FAM171A1: variants seen among roughly 807,000 people sequenced by gnomAD.
FAM171A1 encodes the protein protein FAM171A1.
FAM171A1 carries 23 observed loss-of-function variants against 74.9 expected under a neutral mutation model. The ratio of observed to expected loss-of-function variants is 0.31; its 90% CI spans 0.22 to 0.44. FAM171A1 has a LOEUF of 0.44. Ranked by LOEUF, FAM171A1 falls within the 20% of genes least tolerant of loss-of-function variation. The probability of loss-of-function intolerance (pLI) is 1.00; values close to 1 mark genes in which losing one functional copy is unlikely to be tolerated. For synonymous variants in FAM171A1, 527 were observed against 505.7 expected (o/e 1.04, Z -0.57); for missense variants, 1,162 against 1,159.2 (o/e 1.00, Z -0.03).
intron 5 of FAM171A1, among the ~76,000 whole-genome samples, chr10:15,243,107 G>T (rs188688783): frequency 6.6e-6 from 1 of 152,120 alleles, no homozygotes; most frequent in Non-Finnish European, 1.5e-5. Flanking sequence ...TCTCCTGGAG[G>T]CTCAGAAGGG....
At chr10:15,353,896 A>G (rs143963675) in intron 1 of FAM171A1, among the ~76,000 whole-genome samples, 59 of 152,350 alleles carry the variant, frequency 3.9e-4, no homozygotes, top group African/African-American at 1.3e-3. Context: ...TTCTGCCCTA[A>G]TCCCAAACAT....
intron 1 of FAM171A1, among the ~76,000 whole-genome samples, chr10:15,364,673 G>T (rs375158814): frequency 1.3e-4 from 20 of 152,214 alleles, no homozygotes; most frequent in African/African-American, 4.1e-4. Flanking sequence ...AGTTTCACTG[G>T]GCTAAAGCCA....
chr10:15,330,713 C>CTTCT (rs1835618655), intron 1 of FAM171A1, among the ~76,000 whole-genome samples: 1 of 76,758 alleles, frequency 1.3e-5, no homozygotes, highest in Non-Finnish European at 2.3e-5. Flanking sequence ...TCTTCTTCTT[C>CTTCT]TTTTTTTTTT....
At chr10:15,349,913 C>T in intron 1 of FAM171A1, among the ~76,000 whole-genome samples, 1 of 152,044 alleles carries the variant, frequency 6.6e-6, no homozygotes. Context: ...ATTAGCAGAA[C>T]AGGTGGGCTG....
intron 5 of FAM171A1, among the ~76,000 whole-genome samples, chr10:15,238,902 C>T (rs1295447070): frequency 6.6e-6 from 1 of 152,130 alleles, no homozygotes; most frequent in African/African-American, 2.4e-5. Flanking sequence ...TGAGAGTATC[C>T]AAATCATATA....
rs371881016 is a variant in FAM171A1, at chr10:15,341,296, T to A, written c.97+29660A>T. Among the ~76,000 whole-genome samples the A allele has an allele frequency of 7.2e-5, 11 of 152,334 alleles. No individual in the cohort carries two copies. The East Asian group carries it at 1.7e-3, about 24-fold the overall frequency. On this transcript the variant is annotated intron_variant, in intron 1 of 7. Coordinates refer to ENST00000378116, the MANE Select transcript of FAM171A1 (RefSeq NM_001010924.2). ...CTTACAAAAAGTCATATTTGAGAAC[T>A]GCTGGTTTATACTAATTTGTACAAC...
At chr10:15,347,821 C>T (rs187746996) in intron 1 of FAM171A1, among the ~76,000 whole-genome samples, 447 of 115,722 alleles carry the variant, frequency 3.9e-3, no homozygotes, top group African/African-American at 0.015. Flanking sequence ...GGCAACAGAG[C>T]GAGACTCCAT....
chr10:15,221,775 C>CA (rs1324275331), intron 5 of FAM171A1, among the ~76,000 whole-genome samples: 1 of 151,994 alleles, frequency 6.6e-6, no homozygotes, highest in Non-Finnish European at 1.5e-5. Flanking sequence ...TGGGGAGTTA[C>CA]AAAACTTTTC....
intron 6 of FAM171A1, among the ~76,000 whole-genome samples, chr10:15,220,277 T>C (rs1299453466): frequency 6.6e-6 from 1 of 151,874 alleles, no homozygotes; most frequent in African/African-American, 2.4e-5. Flanking sequence ...GTCCAAGTAA[T>C]ATAGATTCTA....
At chr10:15,239,733 G>A (rs531353528) in intron 5 of FAM171A1, among the ~76,000 whole-genome samples, 3 of 152,274 alleles carry the variant, frequency 2.0e-5, no homozygotes, top group South Asian at 2.1e-4. Flanking sequence ...GTGCTCCTTC[G>A]CTCTACGAAT....
Position 15,215,167 on chromosome 10 carries a change from A to G in FAM171A1, c.987-566T>C, listed in dbSNP as rs148192023. ...GACATTCATTTTTCTATGACTTAAA[A>G]AAGTCAACAACTTATTAAAGAGTCT... On this transcript the variant is annotated intron_variant, in intron 7 of 7. Coordinates refer to ENST00000378116, the MANE Select transcript of FAM171A1 (RefSeq NM_001010924.2). Among the ~76,000 whole-genome samples, 347 of 152,352 alleles carry G rather than the reference A, an allele frequency of 2.3e-3. 4 individuals are homozygous for G. Among genetic ancestry groups the G allele is most frequent in the African/African-American group, 8.1e-3 (338 of 41,582 alleles).
At chr10:15,298,883 A>G (rs1359911335) in intron 1 of FAM171A1, among the ~76,000 whole-genome samples, 2 of 152,122 alleles carry the variant, frequency 1.3e-5, no homozygotes, top group Admixed American at 6.5e-5. Flanking sequence ...AATCCCCACA[A>G]CAAGCCACCC....
rs112775951 is a variant in FAM171A1 at position 15,222,582 on chromosome 10, G to C, written c.755-1522C>G. ...AATCATCATCCTGTGACTCATGCCT[G>C]TATTCTACCCAAATGCTTGCCTTGC... On this transcript the variant is annotated intron_variant, in intron 5 of 7. Coordinates refer to ENST00000378116, the MANE Select transcript of FAM171A1 (RefSeq NM_001010924.2). 6.1e-4 allele frequency among the ~76,000 whole-genome samples: 93 copies of C among 152,344 alleles called. 1 individual carries two copies. The highest frequency in any genetic ancestry group is 2.1e-3 in the African/African-American group (88 of 41,584).
intron 1 of FAM171A1, among the ~76,000 whole-genome samples, chr10:15,331,880 CAT>C (rs71390031): frequency 0.033 from 1,988 of 59,720 alleles, 284 homozygotes; most frequent in Middle Eastern, 0.083. Flanking sequence ...TGTGTGTATA[CAT>C]ATATATATAT....
chr10:15,271,656 G>C lies in FAM171A1; in HGVS notation c.418+4199C>G, dbSNP rs1476818811. Among the ~76,000 whole-genome samples the C allele has an allele frequency of 2.0e-5, 3 of 152,206 alleles. 1 individual carries two copies. The highest frequency in any genetic ancestry group is 2.0e-4 in the Admixed American group (3 of 15,282). On this transcript the variant is annotated intron_variant, in intron 3 of 7. Transcript: ENST00000378116. ...ACAAAGGTCGGATTACCCACAAAGG[G>C]AAGCCCATCAGACTAACAGCAGGTC...
chr10:15,223,873 T>G (rs1038522004), intron 5 of FAM171A1, among the ~76,000 whole-genome samples: 1 of 152,172 alleles, frequency 6.6e-6, no homozygotes, highest in Non-Finnish European at 1.5e-5. Flanking sequence ...CACTCCAGCC[T>G]GGGCGACAGA....
intron 5 of FAM171A1, among the ~76,000 whole-genome samples, chr10:15,227,235 A>G (rs1196395435): frequency 6.6e-6 from 1 of 152,164 alleles, no homozygotes; most frequent in African/African-American, 2.4e-5. Context: ...TCCTTACCTC[A>G]AGTGATCCAT....
chr10:15,319,807 C>T (rs1835465878), intron 1 of FAM171A1, among the ~76,000 whole-genome samples: 1 of 152,106 alleles, frequency 6.6e-6, no homozygotes, highest in Non-Finnish European at 1.5e-5. Flanking sequence ...CAGACATAAT[C>T]CCTTCATCCA....
At chr10:15,235,301 C>CAAAA (rs1193195866) in intron 5 of FAM171A1, among the ~76,000 whole-genome samples, 15 of 44,546 alleles carry the variant, frequency 3.4e-4, no homozygotes, top group Admixed American at 7.3e-4. Context: ...GACTCTGTCT[C>CAAAA]AAAAAAAAAA....
Sources: gnomAD v4.1 joint callset for allele counts (sites outside exome capture counted in the v4.1 genomes callset) on GRCh38, gnomAD v4.1.1 for gene constraint, MANE v1.5 for transcripts, NCBI Gene and HGNC (gene_info 2026-07-23, HGNC 2026-07-21) for gene names.